Variants in VARS2 observed in about 807,000 individuals in gnomAD.
The protein encoded by VARS2 is valine--tRNA ligase, mitochondrial.
A neutral mutation model predicts 154.1 loss-of-function variants in VARS2; 105 were observed. The ratio of observed to expected loss-of-function variants is 0.68; its 90% CI spans 0.58 to 0.80. The LOEUF is 0.80. Ranked by LOEUF, VARS2 falls within the 30% of genes least tolerant of loss-of-function variation. The pLI, the probability that VARS2 is intolerant of heterozygous loss-of-function variation, is 0.00. For missense variants in VARS2, 1,157 were observed against 1,361.4 expected (o/e 0.85, Z 2.36); for synonymous variants, 483 against 539.5 (o/e 0.90, Z 1.45).
At chr6:30,924,321 G>T in intron 25 of VARS2, 33 bp from the exon 26 acceptor site, 2 of 1,608,746 alleles carry the variant, frequency 1.2e-6, no homozygotes, top group Non-Finnish European at 1.7e-6. Context: ...TGTGGCCCTG[G>T]ACCTGTCCTC....
In VARS2 at chr6:30,917,728, C is replaced by G; in HGVS notation, c.907C>G (p.Leu303Val). The change falls in exon 10 of 30, where the codon CTT becomes GTT. Residue 303 changes from leucine (L) to valine (V), a missense_variant. By Grantham distance (32) the Leu-to-Val change is conservative. Transcript: ENST00000676266. This position sits in a 1 kb window ranked among gnomAD's most constrained non-coding sequence, Gnocchi z 4.4. ...ENRPLPGHTQLRLPGCPTPVS... is the reference protein window; with the variant it reads ...ENRPLPGHTQVRLPGCPTPVS... The stretch of plus-strand genomic sequence containing the variant: ...CCGGCCCCTGCCTGGCCACACACAG[C>G]TTCGACTGCCTGGCTGCCCCACCCC... The G allele has an allele frequency of 6.4e-7, 1 of 1,567,076 alleles. No individual in the cohort carries two copies. Among genetic ancestry groups the G allele is most frequent in the Non-Finnish European group, 8.7e-7 (1 of 1,155,374 alleles).
At position 30,925,736 on chromosome 6, in the gene VARS2, G is replaced by A. The variant is rs1416635063; in HGVS notation, c.2961+17G>A. 1.2e-6 allele frequency: 2 copies of A among 1,610,966 alleles called. No homozygotes were observed. The highest frequency in any genetic ancestry group is 1.7e-6 in the Non-Finnish European group (2 of 1,179,600). On this transcript the variant is annotated intron_variant, in intron 28 of 29. Coordinates refer to ENST00000676266, the MANE Select transcript of VARS2 (RefSeq NM_020442.6). ...GAGCTGCAGGTGACCAGAGGGGATG[G>A]GGAGGGTTAGGGCAGGCTTGGGAAG...
rs1794454960 is a variant in VARS2 at position 30,920,692 on chromosome 6, C to A, written c.1422C>A (p.Tyr474Ter). 1 of 1,599,660 alleles carries A rather than the reference C, an allele frequency of 6.3e-7. No individual in the cohort carries two copies. The highest frequency in any genetic ancestry group is 1.1e-5 in the South Asian group (1 of 88,406). Residue 474 changes from tyrosine to a stop codon, truncating the protein, a stop_gained, in exon 15 of 30, where the codon TAC (tyrosine) becomes TAA (stop). Transcript: ENST00000676266. LOFTEE classifies it high-confidence loss of function. This position sits in a 1 kb window ranked among gnomAD's most constrained non-coding sequence, Gnocchi z 4.6. ...ICSRSGDVIEYLLKNQWFVRC... is the reference protein window; with the variant it reads ...ICSRSGDVIE ...GCCGTTCTGGGGATGTGATAGAATA[C>A]CTGCTGAAGAACCAGTGGTTTGTCC...
Position 30,925,563 on chromosome 6 carries a change from G to A in VARS2, c.2805G>A (p.Glu935=), listed in dbSNP as rs528228333. 1.9e-6 allele frequency: 3 copies of A among 1,596,018 alleles called. No individual in the cohort carries two copies. Among genetic ancestry groups the A allele is most frequent in the African/African-American group, 2.7e-5 (2 of 73,854 alleles). ...TTCCAGTGCTGCTGCAGAGCTCAGA[G>A]CCTGGGGACCAGGGCCTCTTCGAGG... ...ARPRVLLQSS[E]PGDQGLFEAF... is the part of the protein sequence containing the mutation. Residue 935 remains glutamate, a synonymous_variant, in exon 28 of 30, where the codon GAG becomes GAA. Transcript: ENST00000676266.
Position 30,915,424 on chromosome 6 carries a change from T to C in VARS2, c.353T>C (p.Val118Ala). The C allele has an allele frequency of 6.2e-7, 1 of 1,614,116 alleles. No homozygotes were observed. Among genetic ancestry groups the C allele is most frequent in the Middle Eastern group, 1.7e-4 (1 of 6,050 alleles). ...GAGGCTGCCTGGTACCCGTGGTGGG[T>C]ACGAGAGGGCTTCTTCAAACCAGAA... The part of the protein sequence containing the change: ...YVEAAWYPWW[V>A]REGFFKPEYQ... Residue 118 changes from valine (V) to alanine (A), a missense_variant, in exon 4 of 30, where the codon GTA (valine) becomes GCA (alanine). Transcript: ENST00000676266.
Position 30,915,864 on chromosome 6 carries a change from G to C in VARS2, c.503G>C (p.Arg168Pro). The change falls in exon 5 of 30, where the codon CGC becomes CCC. Residue 168 changes from arginine to proline, a missense_variant. Coordinates refer to ENST00000676266, the MANE Select transcript of VARS2 (RefSeq NM_020442.6). ...GTGGCCATACAGGATGCCCTCGTGCGCTGGTGAGAGGGGAGTGGGGGCTGC... is the reference window on the plus strand; with the variant it reads ...GTGGCCATACAGGATGCCCTCGTGCCCTGGTGAGAGGGGAGTGGGGGCTGC... ...LTVAIQDALV[R>P]WHRMRGDQVL... 1 of 1,614,106 alleles carries C rather than the reference G, an allele frequency of 6.2e-7. No individual in the cohort carries two copies. Among genetic ancestry groups the C allele is most frequent in the Non-Finnish European group, 8.5e-7 (1 of 1,180,022 alleles).
At position 30,922,710 on chromosome 6, in the gene VARS2, TG is replaced by T; in HGVS notation, c.2043del (p.Gln682ArgfsTer4). On this transcript the variant is annotated frameshift_variant, in exon 22 of 30. Coordinates refer to ENST00000676266, the MANE Select transcript of VARS2 (RefSeq NM_020442.6). LOFTEE classifies it high-confidence loss of function. ...DIISGVEMQV[L>X]QEKLRSGNLD... is the part of the protein sequence containing the mutation. ...ATTGCCCCCTTCCATCCCCAGGTGC[TG>T]CAGGAAAAGCTGAGAAGCGGAAATT... is the stretch of plus-strand genomic sequence containing the variant. 2.5e-6 allele frequency: 4 copies of T among 1,612,550 alleles called. No individual in the cohort carries two copies. The highest frequency in any genetic ancestry group is 3.4e-6 in the Non-Finnish European group (4 of 1,179,766).
Position 30,919,949 on chromosome 6 carries a change from G to C in VARS2, c.1165+101G>C, listed in dbSNP as rs543859232. On this transcript the variant is annotated intron_variant, in intron 12 of 29. Coordinates refer to ENST00000676266, the MANE Select transcript of VARS2 (RefSeq NM_020442.6). This position sits in a 1 kb window ranked among gnomAD's most constrained non-coding sequence, Gnocchi z 4.5. ...GGTGGGAGTGGGAGATCCTCATATAGGGTGGTCTGAGTGGGGAATGGGAGG... is the reference window on the plus strand; with the variant it reads ...GGTGGGAGTGGGAGATCCTCATATACGGTGGTCTGAGTGGGGAATGGGAGG... 6.8e-7 allele frequency: 1 copy of C among 1,476,704 alleles called. No homozygotes were observed. Among genetic ancestry groups the C allele is most frequent in the East Asian group, 2.4e-5 (1 of 42,406 alleles). 91.5% of individuals were successfully genotyped at this position (1,476,704 alleles called of 1,614,324 possible). A position where few individuals can be genotyped will look rare whatever the true frequency, so the allele number is the denominator to read the frequency against.
At position 30,917,724 on chromosome 6, in the gene VARS2, A is replaced by T; in HGVS notation, c.903A>T (p.Thr301=). The T allele has an allele frequency of 6.4e-7, 1 of 1,566,304 alleles. No homozygotes were observed. ...AGAACCGGCCCCTGCCTGGCCACAC[A>T]CAGCTTCGACTGCCTGGCTGCCCCA... The part of the protein sequence containing the change: ...EVENRPLPGH[T]QLRLPGCPTP... The change falls in exon 10 of 30, where the codon ACA becomes ACT. Residue 301 remains threonine (T), a synonymous_variant. Coordinates refer to ENST00000676266, the MANE Select transcript of VARS2 (RefSeq NM_020442.6). The surrounding 1 kb of genome is among the most constrained non-coding windows in gnomAD (Gnocchi z 4.4).
rs760405393 is a variant in VARS2, at chr6:30,922,953, C to T, written c.2162C>T (p.Thr721Ile). ...PECGTDALRF[T>I]LCSHGVQAGD... ...TGTGGGACAGATGCCCTGAGATTCACACTCTGCTCCCATGGAGTTCAGGGT... is the reference window on the plus strand; with the variant it reads ...TGTGGGACAGATGCCCTGAGATTCATACTCTGCTCCCATGGAGTTCAGGGT... Residue 721 changes from threonine to isoleucine, a missense_variant, in exon 23 of 30, where the codon ACA becomes ATA. By Grantham distance (89) the Thr-to-Ile change is moderately conservative (BLOSUM62 -1). Coordinates refer to ENST00000676266, the MANE Select transcript of VARS2 (RefSeq NM_020442.6). The T allele has an allele frequency of 6.2e-7, 1 of 1,610,624 alleles. No homozygotes were observed. The highest frequency in any genetic ancestry group is 1.1e-5 in the South Asian group (1 of 90,846).
Position 30,923,518 on chromosome 6 carries a change from G to T in VARS2, c.2466+13G>T. ...TGACGTCTACCTGGTGAGTGAGGCT[G>T]GGGGAGGCTTGGTATTCCCATGCCT... is the stretch of plus-strand genomic sequence containing the variant. On this transcript the variant is annotated intron_variant, in intron 25 of 29. Coordinates refer to ENST00000676266, the MANE Select transcript of VARS2 (RefSeq NM_020442.6). 1 of 1,603,182 alleles carries T rather than the reference G, an allele frequency of 6.2e-7. No individual in the cohort carries two copies.
chr6:30,924,305 G>A, intron 25 of VARS2, 49 bp from the exon 26 acceptor site: 3 of 1,592,186 alleles, frequency 1.9e-6, no homozygotes, highest in Non-Finnish European at 2.6e-6. Flanking sequence ...CTGTAGGGAG[G>A]AGGGCTGTGG....
In VARS2 at chr6:30,920,275, C is replaced by G. The variant is rs952991465; in HGVS notation, c.1294-58C>G. On this transcript the variant is annotated intron_variant, in intron 13 of 29. Transcript: ENST00000676266. This position sits in a 1 kb window ranked among gnomAD's most constrained non-coding sequence, Gnocchi z 4.6. ...GGCTCTCTGTCCCCCTAATCCTCCTCCTAGTTTCTTATTTCTCTAGAGGCC... is the reference window on the plus strand; with the variant it reads ...GGCTCTCTGTCCCCCTAATCCTCCTGCTAGTTTCTTATTTCTCTAGAGGCC... The G allele has an allele frequency of 6.4e-7, 1 of 1,570,240 alleles. No individual in the cohort carries two copies. The highest frequency in any genetic ancestry group is 1.4e-5 in the African/African-American group (1 of 73,346).
rs760390352 is a variant in VARS2 at position 30,921,326 on chromosome 6, G to A, written c.1632+21G>A. On this transcript the variant is annotated intron_variant, in intron 17 of 29. Coordinates refer to ENST00000676266, the MANE Select transcript of VARS2 (RefSeq NM_020442.6). This position sits in a 1 kb window ranked among gnomAD's most constrained non-coding sequence, Gnocchi z 4.6. ...CGCAGGTGGGTAGGAAGAAGCACCC[G>A]GAGGGCCGAGTGTGGCACAGAGCAC... 3.0e-5 allele frequency: 48 copies of A among 1,613,858 alleles called. 1 individual carries two copies. The highest frequency in any genetic ancestry group is 1.5e-4 in the Admixed American group (9 of 60,000).
Position 30,915,881 on chromosome 6 carries a change from G to A in VARS2, c.506+14G>A, listed in dbSNP as rs759021589. The A allele has an allele frequency of 1.2e-6, 2 of 1,614,038 alleles. No homozygotes were observed. The highest frequency in any genetic ancestry group is 2.2e-5 in the South Asian group (2 of 91,082). ...CCTCGTGCGCTGGTGAGAGGGGAGT[G>A]GGGGCTGCTTGAGTTCTTGGAAGGG... On this transcript the variant is annotated intron_variant, in intron 5 of 29. Transcript: ENST00000676266.
Position 30,917,003 on chromosome 6 carries a change from T to G in VARS2, c.753+44T>G, listed in dbSNP as rs1478408304. ...GGTCCCTGTGAGTGATGGGCGATGTTTAGGGATCTGTGTGGGGCAGGGAGG... is the reference window on the plus strand; with the variant it reads ...GGTCCCTGTGAGTGATGGGCGATGTGTAGGGATCTGTGTGGGGCAGGGAGG... On this transcript the variant is annotated intron_variant, in intron 8 of 29. Coordinates refer to ENST00000676266, the MANE Select transcript of VARS2 (RefSeq NM_020442.6). This position sits in a 1 kb window ranked among gnomAD's most constrained non-coding sequence, Gnocchi z 4.4. 2.5e-6 allele frequency: 4 copies of G among 1,613,392 alleles called. No individual in the cohort carries two copies. In the African/African-American group the frequency reaches 5.3e-5, roughly 22 times the overall value.
In VARS2 at chr6:30,916,578, C is replaced by T. The variant is rs1276046664; in HGVS notation, c.672-300C>T. 4 of 437,382 alleles carry T rather than the reference C, an allele frequency of 9.1e-6. No homozygotes were observed. Among genetic ancestry groups the T allele is most frequent in the African/African-American group, 7.9e-5 (4 of 50,448 alleles). The allele number at this position is 437,382 out of a possible 1,614,324, so 27.1% of individuals were successfully genotyped here. On this transcript the variant is annotated intron_variant, in intron 7 of 29. Coordinates refer to ENST00000676266, the MANE Select transcript of VARS2 (RefSeq NM_020442.6). This position sits in a 1 kb window ranked among gnomAD's most constrained non-coding sequence, Gnocchi z 4.0. ...TCGCCCATTCCCACCTTTCAATTCC[C>T]ATGGAATTACCCTCATTCTTCTGGG...
Position 30,919,049 on chromosome 6 carries a change from G to A in VARS2, c.1074+134G>A. The A allele has an allele frequency of 1.3e-6, 1 of 769,510 alleles. No homozygotes were observed. The highest frequency in any genetic ancestry group is 2.1e-6 in the Non-Finnish European group (1 of 468,082). 47.7% of individuals were successfully genotyped at this position (769,510 alleles called of 1,614,324 possible). A position where few individuals can be genotyped will look rare whatever the true frequency, so the allele number is the denominator to read the frequency against. Reference sequence around the variant, plus strand: ...AGACTTCTCTCAGTGGTTCTGATTGGACTCCCTCCTCCTCTTATAGTTTTT... The same window carrying A: ...AGACTTCTCTCAGTGGTTCTGATTGAACTCCCTCCTCCTCTTATAGTTTTT... On this transcript the variant is annotated intron_variant, in intron 11 of 29. Coordinates refer to ENST00000676266, the MANE Select transcript of VARS2 (RefSeq NM_020442.6). This position sits in a 1 kb window ranked among gnomAD's most constrained non-coding sequence, Gnocchi z 4.5.
intron 10 of VARS2, among the ~76,000 whole-genome samples, chr6:30,918,221 C>A (rs1794297403): frequency 6.6e-6 from 1 of 152,164 alleles, no homozygotes. Flanking sequence ...GCGCGTGCCA[C>A]CAGGCCTGGC....
Sources: allele counts gnomAD v4.1 joint callset (sites outside exome capture counted in the v4.1 genomes callset), GRCh38; gene constraint gnomAD v4.1.1; non-coding constraint Gnocchi (gnomAD v3.1); transcripts MANE v1.5; gene names NCBI Gene and HGNC (gene_info 2026-07-23, HGNC 2026-07-21).